Variants in IDS observed in about 807,000 individuals in gnomAD.
IDS encodes the protein iduronate 2-sulfatase.
IDS carries 1 observed loss-of-function variant against 33.5 expected under a neutral mutation model. The ratio of observed to expected loss-of-function variants is 0.03; its 90% CI spans 0.01 to 0.14. IDS has a LOEUF of 0.14. Ranked by LOEUF, IDS falls within the 10% of genes least tolerant of loss-of-function variation. IDS has a pLI of 1.00. For synonymous variants in IDS, 191 were observed against 184.4 expected (o/e 1.04, Z -0.29); for missense variants, 328 against 448.0 (o/e 0.73, Z 2.42).
intron 8 of IDS, among the ~76,000 whole-genome samples, chrX:149,485,209 T>C (rs2089326583): frequency 8.9e-6 from 1 of 112,213 alleles, no homozygotes; most frequent in Admixed American, 9.4e-5. Flanking sequence ...AAGAGGCTCC[T>C]GTGCCGGGCT....
chrX:149,499,610 T>G (rs2089463888), intron 4 of IDS, among the ~76,000 whole-genome samples: 1 of 111,107 alleles, frequency 9.0e-6, no homozygotes, highest in Non-Finnish European at 1.9e-5. Context: ...GCGATAAAAA[T>G]GATCTAAGAT....
chrX:149,500,868 A>C (rs1177930289), intron 4 of IDS, 81 bp downstream of exon 4: 13 of 633,059 alleles, frequency 2.1e-5, no homozygotes, highest in Non-Finnish European at 3.5e-5. Context: ...CCAGCTTCAC[A>C]GAACATGCAG....
Position 149,482,715 on chromosome X carries a change from C to T in IDS, c.*31G>A, listed in dbSNP as rs782432215. ...TCCTCTCACCAGCTGGAAGGGAGCA[C>T]ATCACATTTGCCATCCATGGTTGGC... On this transcript the variant is annotated 3_prime_UTR_variant, in exon 9 of 9. Transcript: ENST00000340855. 3.3e-6 allele frequency: 4 copies of T among 1,211,135 alleles called. No homozygotes were observed. The South Asian group carries it at 7.0e-5, about 21-fold the overall frequency.
rs1461681878 is a variant in IDS at position 149,479,020 on chromosome X, TTTG to T, written c.*3723_*3725del. On this transcript the variant is annotated 3_prime_UTR_variant, in exon 9 of 9. Transcript: ENST00000340855. ...AAAGAATTTTAAGTTTTTTTTGTTT[TTTG>T]TTGTTTTTTATTTGAGACGGAGTCT... 1 of 112,622 alleles carries T rather than the reference TTTG, an allele frequency of 8.9e-6. No homozygotes were observed. Among genetic ancestry groups the T allele is most frequent in the Non-Finnish European group, 1.9e-5 (1 of 53,306 alleles). 9.3% of individuals were successfully genotyped at this position (112,622 alleles called of 1,213,427 possible).
intron 8 of IDS, among the ~76,000 whole-genome samples, chrX:149,485,295 G>C (rs1237870706): frequency 1.8e-5 from 2 of 111,974 alleles, no homozygotes; most frequent in Non-Finnish European, 3.8e-5. Flanking sequence ...GGGATCCAGG[G>C]CACAAGCAAG....
intron 8 of IDS, 95 bp from the exon 9 acceptor site, chrX:149,483,313 G>GTTTTC: frequency 1.5e-6 from 1 of 646,266 alleles, no homozygotes; most frequent in Non-Finnish European, 2.5e-6. Flanking sequence ...GGCTCCATAT[G>GTTTTC]TTTTCTTTTT....
chrX:149,504,343 C>A, intron 1 of IDS, 50 bp from the exon 2 acceptor site: 1 of 1,153,815 alleles, frequency 8.7e-7, no homozygotes, highest in Non-Finnish European at 1.2e-6. Context: ...TGACACTGAA[C>A]CCTCCCTCAT....
intron 6 of IDS, chrX:149,491,619 T>G: frequency 1.0e-6 from 1 of 1,004,181 alleles, no homozygotes; most frequent in Non-Finnish European, 1.3e-6. Flanking sequence ...TACTTATACT[T>G]TCTGGTAGAT....
At position 149,478,622 on chromosome X, in the gene IDS, T is replaced by C. The variant is rs2089278803; in HGVS notation, c.*4124A>G. 1 of 112,753 alleles carries C rather than the reference T, an allele frequency of 8.9e-6. No individual in the cohort carries two copies. Among genetic ancestry groups the C allele is most frequent in the Non-Finnish European group, 1.9e-5 (1 of 53,363 alleles). 9.3% of individuals were successfully genotyped at this position (112,753 alleles called of 1,213,427 possible). A position where few individuals can be genotyped will look rare whatever the true frequency, so the allele number is the denominator to read the frequency against. On this transcript the variant is annotated 3_prime_UTR_variant, in exon 9 of 9. Transcript: ENST00000340855. ...GCAGGTAAAAGAATGAAAGGAAATA[T>C]ACAAATGTCAGCAGTGGGTATGTCT...
At position 149,487,000 on chromosome X, in the gene IDS, A is replaced by G. The variant is rs1557338128; in HGVS notation, c.1105T>C (p.Ser369Pro). The stretch of plus-strand genomic sequence containing the variant: ...AGCTTCTCGCCTGCCTCCGGAAGTG[A>G]AGCCGTCCTTCCAGGAACATAGAAT... ...LIFYVPGRTASLPEAGEKLFP... is the reference protein window; with the variant it reads ...LIFYVPGRTAPLPEAGEKLFP... The change falls in exon 8 of 9, where the codon TCA (serine) becomes CCA (proline). Residue 369 changes from serine to proline, a missense_variant. Around this residue, in one of 4 missense-constraint regions of IDS, gnomAD observed 265 missense variants for 339.2 expected, o/e 0.78. Transcript: ENST00000340855. 1 of 1,211,892 alleles carries G rather than the reference A, an allele frequency of 8.3e-7. No individual in the cohort carries two copies.
chrX:149,496,652 G>A, intron 5 of IDS, 136 bp from the exon 6 acceptor site: 1 of 624,477 alleles, frequency 1.6e-6, no homozygotes, highest in South Asian at 2.5e-5. Context: ...CATTCCCCAC[G>A]TGCTCGGCCC....
Position 149,496,500 on chromosome X carries a change from T to C in IDS, c.725A>G (p.Tyr242Cys). The C allele has an allele frequency of 2.5e-6, 3 of 1,211,332 alleles. No individual in the cohort carries two copies. The highest frequency in any genetic ancestry group is 3.0e-5 in the East Asian group (1 of 33,850). The change falls in exon 6 of 9, where the codon TAT (tyrosine) becomes TGT (cysteine). Residue 242 changes from tyrosine (Y) to cysteine (C), a missense_variant. Coordinates refer to ENST00000340855, the MANE Select transcript of IDS (RefSeq NM_000202.8). ...FRYPKEFQKL[Y>C]PLENITLAPD... ...GGCCAGGGTGATGTTCTCCAAGGGA[T>C]ACAACTTCTGAAATTCCTTGGGGAA...
chrX:149,496,603 T>C (rs522552), intron 5 of IDS, 87 bp from the exon 6 acceptor site: 1 of 997,055 alleles, frequency 1.0e-6, no homozygotes, highest in African/African-American at 1.9e-5. Context: ...TACTGCCTTT[T>C]CTCTAAGCCT....
Position 149,480,623 on chromosome X carries a change from G to A in IDS, c.*2123C>T. On this transcript the variant is annotated 3_prime_UTR_variant, in exon 9 of 9. Coordinates refer to ENST00000340855, the MANE Select transcript of IDS (RefSeq NM_000202.8). ...GCCTCCCAAGAAGCTGGGATTACAG[G>A]CATGCACCACCACACCCGGCTAACT... The A allele has an allele frequency of 7.4e-6, 2 of 270,208 alleles. No individual in the cohort carries two copies. Among genetic ancestry groups the A allele is most frequent in the Non-Finnish European group, 6.5e-6 (1 of 153,075 alleles). The allele number at this position is 270,208 out of a possible 1,213,427, so 22.3% of individuals were successfully genotyped here. A position where few individuals can be genotyped will look rare whatever the true frequency, so the allele number is the denominator to read the frequency against.
rs1557337376 is a variant in IDS at position 149,480,997 on chromosome X, GA to G, written c.*1748del. 1 of 112,184 alleles carries G rather than the reference GA, an allele frequency of 8.9e-6. No individual in the cohort carries two copies. Among genetic ancestry groups the G allele is most frequent in the African/African-American group, 3.2e-5 (1 of 30,846 alleles). The allele number at this position is 112,184 out of a possible 1,213,427, so 9.2% of individuals were successfully genotyped here. The stretch of plus-strand genomic sequence containing the variant: ...TTATGTCCAGCTTAGTGGGGTTGGG[GA>G]AAGGTTATATGAAGCAACAAAGATA... On this transcript the variant is annotated 3_prime_UTR_variant, in exon 9 of 9. Coordinates refer to ENST00000340855, the MANE Select transcript of IDS (RefSeq NM_000202.8).
chrX:149,504,311 G>A lies in IDS; in HGVS notation c.104-18C>T. On this transcript the variant is annotated intron_variant, in intron 1 of 8. Coordinates refer to ENST00000340855, the MANE Select transcript of IDS (RefSeq NM_000202.8). The stretch of plus-strand genomic sequence containing the variant: ...CAGAGCATCTACACAGGAGGGAGGG[G>A]CTTTGGTGAGGTAACCTGCACTGAC... 1 of 1,198,315 alleles carries A rather than the reference G, an allele frequency of 8.3e-7. No individual in the cohort carries two copies. The highest frequency in any genetic ancestry group is 3.0e-5 in the East Asian group (1 of 33,359).
intron 3 of IDS, chrX:149,502,065 C>T (rs1246770663): frequency 1.3e-5 from 4 of 318,589 alleles, no homozygotes; most frequent in Admixed American, 6.4e-5. Context: ...GCATGGTAAA[C>T]GGTACATACC....
Position 149,505,250 on chromosome X carries a change from T to C in IDS, c.-113A>G, listed in dbSNP as rs1381607989. The C allele has an allele frequency of 2.3e-6, 1 of 429,044 alleles. No individual in the cohort carries two copies. Among genetic ancestry groups the C allele is most frequent in the Non-Finnish European group, 3.7e-6 (1 of 273,868 alleles). 35.4% of individuals were successfully genotyped at this position (429,044 alleles called of 1,213,427 possible). On this transcript the variant is annotated 5_prime_UTR_variant, in exon 1 of 9. Coordinates refer to ENST00000340855, the MANE Select transcript of IDS (RefSeq NM_000202.8). ...CTCCTCGTCGGGAACCCATGAAGAC[T>C]GCGCAACACAGCCGCCGCCCGGGCC...
At chrX:149,504,757 T>G (rs1602749950) in intron 1 of IDS, among the ~76,000 whole-genome samples, 1 of 85,346 alleles carries the variant, frequency 1.2e-5, no homozygotes, top group South Asian at 6.3e-4. Context: ...GAAAGATGGA[T>G]GGATAGAGAT....
Sources: gnomAD v4.1 joint callset for allele counts (sites outside exome capture counted in the v4.1 genomes callset) on GRCh38, gnomAD v4.1.1 for gene constraint, gnomAD v4.1.1 regional missense constraint, MANE v1.5 for transcripts, NCBI Gene and HGNC (gene_info 2026-07-23, HGNC 2026-07-21) for gene names.